The following MACROD2 variants were observed in gnomAD, a reference collection of about 807,000 sequenced individuals.
The protein encoded by MACROD2 is ADP-ribose glycohydrolase MACROD2.
In MACROD2, 36 loss-of-function variants were observed where a neutral mutation model predicts 70.4. The observed-to-expected ratio is 0.51, with a 90% CI of 0.39 to 0.68. MACROD2 has a LOEUF of 0.68. Ranked by LOEUF, MACROD2 falls within the 30% of genes least tolerant of loss-of-function variation. The pLI is 0.00. For missense variants in MACROD2, 496 were observed against 538.4 expected (o/e 0.92, Z 0.78); for synonymous variants, 172 against 178.8 (o/e 0.96, Z 0.30).
chr20:15,551,036 G>A (rs2048088719), intron 8 of MACROD2, among the ~76,000 whole-genome samples: 1 of 152,202 alleles, frequency 6.6e-6, no homozygotes, highest in South Asian at 2.1e-4. Context: ...TCACTTAAAA[G>A]AAAGTGTTAG....
At chr20:14,173,922 C>T (rs2081243278) in intron 3 of MACROD2, among the ~76,000 whole-genome samples, 1 of 152,180 alleles carries the variant, frequency 6.6e-6, no homozygotes, top group Non-Finnish European at 1.5e-5. Context: ...AGCTACGAGG[C>T]TCTGGGCTGG....
At position 14,298,568 on chromosome 20, in the gene MACROD2, C is replaced by CA. The variant is rs550543982; in HGVS notation, c.272-194896dup. ...GGGTGACAAGAGCAAAACTCCACCT[C>CA]AAAAAAAAAAAAAAAGAAGTGAATT... is the stretch of plus-strand genomic sequence containing the variant. On this transcript the variant is annotated intron_variant, in intron 3 of 17. Coordinates refer to ENST00000684519, the MANE Select transcript of MACROD2 (RefSeq NM_001351661.2). Among the ~76,000 whole-genome samples, 334 of 35,094 alleles carry CA rather than the reference C, an allele frequency of 9.5e-3. 3 individuals are homozygous for CA. Among genetic ancestry groups the CA allele is most frequent in the African/African-American group, 0.022 (231 of 10,340 alleles). The allele number at this position is 35,094 out of a possible 152,430, so 23.0% of individuals were successfully genotyped here.
At chr20:15,406,255 G>A (rs1250703004) in intron 6 of MACROD2, among the ~76,000 whole-genome samples, 4 of 152,202 alleles carry the variant, frequency 2.6e-5, no homozygotes, top group Non-Finnish European at 5.9e-5. Flanking sequence ...CGTGCTCAGG[G>A]AAAGTGTCCA....
chr20:15,010,392 C>T (rs74731036), intron 5 of MACROD2, among the ~76,000 whole-genome samples: 8,781 of 152,208 alleles, frequency 0.058, 436 homozygotes, highest in African/African-American at 0.13. Context: ...ACCTAAATAG[C>T]TTCATGTTAT....
intron 5 of MACROD2, among the ~76,000 whole-genome samples, chr20:14,989,385 G>A (rs748709873): frequency 5.3e-5 from 8 of 152,120 alleles, no homozygotes; most frequent in Non-Finnish European, 7.4e-5. Flanking sequence ...TCTTGACACC[G>A]TCCTGAGAAT....
chr20:14,705,855 C>T (rs1231909226), intron 5 of MACROD2, among the ~76,000 whole-genome samples: 3 of 152,088 alleles, frequency 2.0e-5, no homozygotes, highest in East Asian at 3.9e-4. Context: ...ACTGTTTCCT[C>T]CTGTGAGATG....
chr20:14,361,886 GC>G (rs1200979183), intron 3 of MACROD2, among the ~76,000 whole-genome samples: 1 of 152,108 alleles, frequency 6.6e-6, no homozygotes, highest in Non-Finnish European at 1.5e-5. Flanking sequence ...TTTCTGTTTT[GC>G]CCATAGCTCA....
chr20:14,458,661 C>T (rs920033129), intron 3 of MACROD2, among the ~76,000 whole-genome samples: 2 of 152,074 alleles, frequency 1.3e-5, no homozygotes, highest in Non-Finnish European at 2.9e-5. Flanking sequence ...GCCTATGGAT[C>T]CCATCCATTT....
chr20:14,288,111 G>GGTACACCCTACAAGGTAGGGTGTACCTT (rs1361559820), intron 3 of MACROD2, among the ~76,000 whole-genome samples: 3 of 151,560 alleles, frequency 2.0e-5, no homozygotes, highest in Admixed American at 6.6e-5. Context: ...CCTTAGATAA[G>GGTACACCCTACAAGGTAGGGTGTACCTT]GTACACCCTA....
intron 4 of MACROD2, chr20:14,627,139 G>T (rs908661996): frequency 6.6e-6 from 1 of 152,202 alleles, no homozygotes; most frequent in Non-Finnish European, 1.5e-5. Flanking sequence ...TATGAACTAG[G>T]TGGATCTGAG....
At chr20:15,848,590 A>T (rs17634776) in intron 8 of MACROD2, among the ~76,000 whole-genome samples, 1 of 152,164 alleles carries the variant, frequency 6.6e-6, no homozygotes, top group Admixed American at 6.5e-5. Context: ...TTTGAAAAGC[A>T]CTTAATTAAT....
intron 6 of MACROD2, among the ~76,000 whole-genome samples, chr20:15,353,670 C>T (rs1398463398): frequency 1.3e-5 from 2 of 148,950 alleles, no homozygotes; most frequent in Non-Finnish European, 3.0e-5. Context: ...AAAAACAACC[C>T]CATCAAAAAG....
chr20:15,929,083 C>T (rs1030859130), intron 10 of MACROD2, among the ~76,000 whole-genome samples: 2 of 152,156 alleles, frequency 1.3e-5, no homozygotes, highest in Non-Finnish European at 2.9e-5. Flanking sequence ...TATTTATTCT[C>T]ATGCTCACAG....
intron 4 of MACROD2, among the ~76,000 whole-genome samples, chr20:14,678,185 C>G (rs147660763): frequency 1.2e-3 from 181 of 152,214 alleles, no homozygotes; most frequent in African/African-American, 4.3e-3. Flanking sequence ...CTGCATTCAG[C>G]CTGCAGACAA....
At chr20:15,401,287 C>G (rs964505766) in intron 6 of MACROD2, among the ~76,000 whole-genome samples, 1 of 151,810 alleles carries the variant, frequency 6.6e-6, no homozygotes, top group African/African-American at 2.4e-5. Flanking sequence ...ATCCGCCCGC[C>G]TCGGCCTCCC....
chr20:14,421,567 C>CTTTTGG (rs2083876428), intron 3 of MACROD2, among the ~76,000 whole-genome samples: 1 of 152,096 alleles, frequency 6.6e-6, no homozygotes, highest in Non-Finnish European at 1.5e-5. Context: ...ACAGCACTTG[C>CTTTTGG]TTTTGGTGCA....
chr20:15,006,254 A>G (rs2075036703), intron 5 of MACROD2, among the ~76,000 whole-genome samples: 2 of 151,864 alleles, frequency 1.3e-5, no homozygotes, highest in Non-Finnish European at 2.9e-5. Context: ...AATAAGCCAG[A>G]CAAAGAAAAA....
chr20:14,023,451 G>A (rs1291318557), intron 2 of MACROD2, among the ~76,000 whole-genome samples: 1 of 152,112 alleles, frequency 6.6e-6, no homozygotes, highest in Non-Finnish European at 1.5e-5. Context: ...TGCTTTTTAT[G>A]TTTTAGTTAT....
chr20:14,885,236 A>G (rs557552451), intron 5 of MACROD2, among the ~76,000 whole-genome samples: 114 of 152,276 alleles, frequency 7.5e-4, no homozygotes, highest in African/African-American at 2.4e-3. Flanking sequence ...AAACTCAGTC[A>G]TCACCTTTGA....
Sources: gnomAD v4.1 joint callset for allele counts (sites outside exome capture counted in the v4.1 genomes callset) on GRCh38, gnomAD v4.1.1 for gene constraint, MANE v1.5 for transcripts, NCBI Gene and HGNC (gene_info 2026-07-23, HGNC 2026-07-21) for gene names.